The following ZNF345 variants were observed in gnomAD, a reference collection of about 807,000 sequenced individuals.
ZNF345 encodes zinc finger protein 345, also known as zinc finger protein HZF10.
For missense variants in ZNF345, 527 were observed against 589.9 expected (o/e 0.89, Z 1.10); for synonymous variants, 166 against 187.9 (o/e 0.88, Z 0.95).
intron 2 of ZNF345, among the ~76,000 whole-genome samples, chr19:36,866,830 C>T (rs544103426): frequency 1.6e-4 from 25 of 152,320 alleles, no homozygotes; most frequent in Admixed American, 8.5e-4. Flanking sequence ...GTATTACAGG[C>T]GTGAGCCGCC....
intron 3 of ZNF345, chr19:36,891,339 A>C (rs1438917295): frequency 1.4e-6 from 1 of 715,470 alleles, no homozygotes; most frequent in Non-Finnish European, 2.1e-6. Flanking sequence ...GTTTTAAGCC[A>C]CCAAGGTTTT....
At chr19:36,882,992 G>A (rs2072977589), downstream of ZNF345, among the ~76,000 whole-genome samples, 1 of 152,038 alleles carries the variant, frequency 6.6e-6, no homozygotes, top group Admixed American at 6.6e-5. Context: ...TACTTTTTAT[G>A]TTTGGTTGCT....
rs573272260 is a variant in ZNF345, at chr19:36,852,351, G to A, written c.-47+447G>A. ...ATAGTGGCTGGATGCAGTGGCTCAT[G>A]CCTGTAATCCCAGCACTTTGGGGGG... is the stretch of plus-strand genomic sequence containing the variant. On this transcript the variant is annotated intron_variant, in intron 2 of 2. Transcript: ENST00000420450. Among the ~76,000 whole-genome samples the A allele has an allele frequency of 2.6e-5, 4 of 152,076 alleles. No homozygotes were observed. In the South Asian group the frequency reaches 6.2e-4, roughly 24 times the overall value.
intron 3 of ZNF345, chr19:36,889,252 G>GT (rs963782184): frequency 6.6e-6 from 1 of 152,014 alleles, no homozygotes. Flanking sequence ...TTGGCTTGTA[G>GT]TTTTTTTGTG....
chr19:36,877,570 G>A lies in ZNF345; in HGVS notation c.740G>A (p.Arg247Gln), dbSNP rs765777416. 8.7e-6 allele frequency: 14 copies of A among 1,613,086 alleles called. No homozygotes were observed. The highest frequency in any genetic ancestry group is 1.3e-5 in the African/African-American group (1 of 74,580). ...MAFSSGSALT[R>Q]HQRIHTGEKP... ...TTTAGCAGTGGTTCGGCTCTTACTC[G>A]GCATCAGAGAATTCATACCGGTGAG... is the stretch of plus-strand genomic sequence containing the variant. Residue 247 changes from arginine to glutamine, a missense_variant, in exon 3 of 3, where the codon CGG becomes CAG. Arg to Gln is a conservative substitution (Grantham distance 43, BLOSUM62 1). Transcript: ENST00000420450.
chr19:36,862,828 T>C (rs2072580532), intron 2 of ZNF345: 4 of 152,012 alleles, frequency 2.6e-5, no homozygotes, highest in African/African-American at 4.8e-5. Flanking sequence ...CCTTAGAATG[T>C]GAATGTATTT....
At position 36,877,533 on chromosome 19, in the gene ZNF345, T is replaced by C. The variant is rs745999629; in HGVS notation, c.703T>C (p.Cys235Arg). The change falls in exon 3 of 3, where the codon TGT becomes CGT. Residue 235 changes from cysteine (C) to arginine (R), a missense_variant. By Grantham distance (180) the Cys-to-Arg change is radical. Coordinates refer to ENST00000420450, the MANE Select transcript of ZNF345 (RefSeq NM_001242472.2). Reference protein sequence around the residue: ...TGEKPYECKACGMAFSSGSAL... With the variant: ...TGEKPYECKARGMAFSSGSAL... ...TGAGAAACCTTATGAATGCAAAGCATGTGGAATGGCCTTTAGCAGTGGTTC... is the reference window on the plus strand; with the variant it reads ...TGAGAAACCTTATGAATGCAAAGCACGTGGAATGGCCTTTAGCAGTGGTTC... 4.3e-6 allele frequency: 7 copies of C among 1,614,172 alleles called. No individual in the cohort carries two copies. The highest frequency in any genetic ancestry group is 1.1e-5 in the South Asian group (1 of 91,088).
downstream of ZNF345, among the ~76,000 whole-genome samples, chr19:36,880,403 A>G (rs2072961258): frequency 6.7e-6 from 1 of 148,712 alleles, no homozygotes; most frequent in Non-Finnish European, 1.5e-5. Context: ...ACACTATAAA[A>G]TTTGTACCAG....
upstream of ZNF345, chr19:36,850,589 C>G (rs988200862): frequency 6.6e-6 from 1 of 152,290 alleles, no homozygotes; most frequent in African/African-American, 2.4e-5. Flanking sequence ...TGTTCGCAGG[C>G]TATGGAGGAG....
chr19:36,879,379 AC>A lies in ZNF345; in HGVS notation c.*1083del, dbSNP rs1027134413. ...ACCAATCATAGATAATCACTGTCAA[AC>A]TTTTGGAGCAAATCCTTTAATACTA... On this transcript the variant is annotated 3_prime_UTR_variant, in exon 3 of 3. Coordinates refer to ENST00000420450, the MANE Select transcript of ZNF345 (RefSeq NM_001242472.2). The A allele has an allele frequency of 6.0e-6, 1 of 167,022 alleles. No homozygotes were observed. The highest frequency in any genetic ancestry group is 6.5e-5 in the Admixed American group (1 of 15,278). 10.3% of individuals were successfully genotyped at this position (167,022 alleles called of 1,614,324 possible). A position where few individuals can be genotyped will look rare whatever the true frequency, so the allele number is the denominator to read the frequency against.
chr19:36,886,095 C>T (rs935543468), intron 3 of ZNF345, among the ~76,000 whole-genome samples: 6 of 151,884 alleles, frequency 4.0e-5, no homozygotes, highest in Admixed American at 2.6e-4. Flanking sequence ...GATTATAACC[C>T]GAAGTATAAA....
chr19:36,858,537 G>A (rs981410049), intron 2 of ZNF345, among the ~76,000 whole-genome samples: 3 of 152,148 alleles, frequency 2.0e-5, no homozygotes, highest in Non-Finnish European at 2.9e-5. Flanking sequence ...AGGAAGGCGG[G>A]CGGCGGATCA....
chr19:36,860,007 G>T (rs1348569486), intron 2 of ZNF345, among the ~76,000 whole-genome samples: 2 of 151,956 alleles, frequency 1.3e-5, no homozygotes, highest in East Asian at 3.9e-4. Flanking sequence ...GCCCAGGCTG[G>T]AGTGCAGGGG....
chr19:36,855,040 A>G (rs889898892), intron 2 of ZNF345, among the ~76,000 whole-genome samples: 2 of 149,162 alleles, frequency 1.3e-5, no homozygotes, highest in African/African-American at 5.0e-5. Flanking sequence ...TTTAGTAGAG[A>G]CGGGGTTTCA....
chr19:36,861,464 T>C (rs2072545172), intron 2 of ZNF345, among the ~76,000 whole-genome samples: 1 of 152,220 alleles, frequency 6.6e-6, no homozygotes, highest in South Asian at 2.1e-4. Flanking sequence ...AATTTATACA[T>C]ACAGAATGTG....
At chr19:36,883,111 C>A (rs1357018696), downstream of ZNF345, among the ~76,000 whole-genome samples, 3 of 152,128 alleles carry the variant, frequency 2.0e-5, no homozygotes, top group Non-Finnish European at 2.9e-5. Flanking sequence ...AGGTATATAT[C>A]CTTATAAACA....
intron 3 of ZNF345, among the ~76,000 whole-genome samples, chr19:36,887,369 A>G (rs1191847028): frequency 6.6e-6 from 1 of 152,172 alleles, no homozygotes; most frequent in East Asian, 1.9e-4. Flanking sequence ...GCTAATAATA[A>G]TGTACCAATA....
chr19:36,865,405 T>G (rs1172062817), intron 2 of ZNF345, among the ~76,000 whole-genome samples: 2 of 152,186 alleles, frequency 1.3e-5, no homozygotes, highest in Admixed American at 1.3e-4. Context: ...TGTAAGTCAT[T>G]TATCTAAGAC....
chr19:36,861,859 C>CTT (rs768109029), intron 2 of ZNF345, among the ~76,000 whole-genome samples: 11 of 131,752 alleles, frequency 8.3e-5, no homozygotes, highest in South Asian at 2.4e-4. Flanking sequence ...CATGCCCAGC[C>CTT]TTTTTTTTTT....
Sources: gnomAD v4.1 joint callset for allele counts (sites outside exome capture counted in the v4.1 genomes callset) on GRCh38, gnomAD v4.1.1 for gene constraint, MANE v1.5 for transcripts, NCBI Gene and HGNC (gene_info 2026-07-23, HGNC 2026-07-21) for gene names.